The following GNB4 variants were observed in gnomAD, a reference collection of about 807,000 sequenced individuals.
GNB4 encodes guanine nucleotide-binding protein subunit beta-4.
A neutral mutation model predicts 45.2 loss-of-function variants in GNB4; 28 were observed. That is an observed-to-expected ratio of 0.62 (90% CI 0.46 to 0.85). The LOEUF (loss-of-function observed/expected upper bound fraction) is 0.85, where lower values mean the gene tolerates loss of function less well. GNB4 is among the 40% of genes least tolerant of loss of function. GNB4 has a pLI of 0.00. For missense variants in GNB4, 321 were observed against 425.4 expected (o/e 0.75, Z 2.16); for synonymous variants, 132 against 143.7 (o/e 0.92, Z 0.58).
At chr3:179,466,428 C>A in the GNB4 span, among the ~76,000 whole-genome samples, 1 of 152,146 alleles carries the variant, frequency 6.6e-6, no homozygotes, top group African/African-American at 2.4e-5. Context: ...AGAAGTAGCT[C>A]CTGCTCTAGG....
chr3:179,468,035 A>AAAAAAAAAAATATATATATATAT, the GNB4 span, among the ~76,000 whole-genome samples: 51 of 89,850 alleles, frequency 5.7e-4, 2 homozygotes, highest in African/African-American at 2.0e-3. Context: ...TGTTGATAAA[A>AAAAAAAAAAATATATATATATAT]ATATATATAT....
At chr3:179,463,093 ATTGT>A in the GNB4 span, among the ~76,000 whole-genome samples, 1 of 152,160 alleles carries the variant, frequency 6.6e-6, no homozygotes, top group Admixed American at 6.5e-5. Flanking sequence ...GAAGAATAGT[ATTGT>A]TTGTTTGGGG....
the GNB4 span, among the ~76,000 whole-genome samples, chr3:179,493,417 G>A: frequency 1.3e-5 from 2 of 150,502 alleles, no homozygotes; most frequent in African/African-American, 4.9e-5. Context: ...TAGAACTGAG[G>A]AATACAATGA....
At chr3:179,464,761 T>C in the GNB4 span, 2 of 1,261,570 alleles carry the variant, frequency 1.6e-6, no homozygotes, top group Non-Finnish European at 2.3e-6. Context: ...CCAGACATAT[T>C]GATGAGAGAA....
intron 4 of GNB4, 26 bp downstream of exon 4, chr3:179,419,373 A>G (rs1214711118): frequency 1.6e-6 from 2 of 1,242,298 alleles, no homozygotes; most frequent in African/African-American, 3.0e-5. Context: ...ACAGTTTAAA[A>G]ATGACAGGTA....
chr3:179,503,560 A>G, the GNB4 span, among the ~76,000 whole-genome samples: 1 of 152,264 alleles, frequency 6.6e-6, no homozygotes, highest in Admixed American at 6.5e-5. Flanking sequence ...AGCCTCTGTC[A>G]TACTGAGATG....
intron 1 of GNB4, among the ~76,000 whole-genome samples, chr3:179,446,415 A>G (rs1329311470): frequency 1.3e-5 from 2 of 152,260 alleles, no homozygotes; most frequent in Non-Finnish European, 2.9e-5. Context: ...ACAGAAGTAT[A>G]TTTAAGCAGG....
the GNB4 span, among the ~76,000 whole-genome samples, chr3:179,500,355 CTTGTTT>C: frequency 6.6e-6 from 1 of 152,274 alleles, no homozygotes; most frequent in East Asian, 1.9e-4. Context: ...TTCCCCATTT[CTTGTTT>C]TTGTCAGGTT....
upstream of GNB4, chr3:179,451,497 A>C (rs1387605544): frequency 6.6e-6 from 1 of 150,700 alleles, no homozygotes; most frequent in East Asian, 2.0e-4. Flanking sequence ...CCCAGCAGCC[A>C]ACTCCGCGGC....
chr3:179,429,381 C>T (rs1167296535), intron 1 of GNB4, among the ~76,000 whole-genome samples: 3 of 152,110 alleles, frequency 2.0e-5, no homozygotes, highest in Admixed American at 6.5e-5. Context: ...TGCTACTCAC[C>T]GTTGAGTAAT....
the GNB4 span, among the ~76,000 whole-genome samples, chr3:179,488,984 C>CAAAAAAAA: frequency 5.3e-5 from 1 of 18,696 alleles, no homozygotes; most frequent in Non-Finnish European, 8.9e-5. Flanking sequence ...ATCCTGTATC[C>CAAAAAAAA]AAAAAAAAAA....
intron 2 of GNB4, among the ~76,000 whole-genome samples, chr3:179,423,304 A>G (rs1715047841): frequency 6.6e-6 from 1 of 152,306 alleles, no homozygotes; most frequent in Non-Finnish European, 1.5e-5. Flanking sequence ...CACAAGAACT[A>G]CAACACAAGG....
chr3:179,416,607 T>G (rs745955687), intron 4 of GNB4, 51 bp from the exon 5 acceptor site: 3 of 1,121,142 alleles, frequency 2.7e-6, no homozygotes, highest in Non-Finnish European at 3.9e-6. Context: ...AAAAAATAGC[T>G]TAAATTGGTT....
chr3:179,509,168 TACAC>T, the GNB4 span, among the ~76,000 whole-genome samples: 12,420 of 146,802 alleles, frequency 0.085, 656 homozygotes, highest in Middle Eastern at 0.15. Context: ...TATATATACA[TACAC>T]ACACACACAC....
the GNB4 span, among the ~76,000 whole-genome samples, chr3:179,516,257 T>C: frequency 2.6e-5 from 4 of 152,170 alleles, no homozygotes; most frequent in African/African-American, 9.7e-5. Flanking sequence ...GAGAAACTGC[T>C]TGGGTGATTT....
At chr3:179,408,119 A>C (rs1489795629) in intron 8 of GNB4, among the ~76,000 whole-genome samples, 4 of 152,244 alleles carry the variant, frequency 2.6e-5, no homozygotes, top group Admixed American at 6.5e-5. Context: ...AGCATCCAAC[A>C]AGGTAAAATT....
At chr3:179,480,209 T>C in the GNB4 span, among the ~76,000 whole-genome samples, 1 of 152,230 alleles carries the variant, frequency 6.6e-6, no homozygotes, top group Non-Finnish European at 1.5e-5. Flanking sequence ...TCCAGAACTG[T>C]GAGTGAAGCT....
chr3:179,463,518 C>T, the GNB4 span, among the ~76,000 whole-genome samples: 1 of 152,142 alleles, frequency 6.6e-6, no homozygotes, highest in Non-Finnish European at 1.5e-5. Flanking sequence ...TTCTCAGTAG[C>T]CCTGTATGGA....
chr3:179,401,485 G>T (rs1307764450), intron 9 of GNB4, among the ~76,000 whole-genome samples, 166 bp from the exon 10 acceptor site: 1 of 152,190 alleles, frequency 6.6e-6, no homozygotes, highest in Non-Finnish European at 1.5e-5. Flanking sequence ...ATTTCTCTGA[G>T]TAAGAAGACA....
Sources: gnomAD v4.1 joint callset for allele counts (sites outside exome capture counted in the v4.1 genomes callset) on GRCh38, gnomAD v4.1.1 for gene constraint, MANE v1.5 for transcripts, NCBI Gene and HGNC (gene_info 2026-07-23, HGNC 2026-07-21) for gene names.